ELMO1: variants seen among roughly 807,000 people sequenced by gnomAD.
ELMO1 encodes engulfment and cell motility protein 1.
A neutral mutation model predicts 98.9 loss-of-function variants in ELMO1; 26 were observed. The observed-to-expected ratio is 0.26, with a 90% CI of 0.19 to 0.36. The LOEUF (loss-of-function observed/expected upper bound fraction) is 0.36. Among genes scored for constraint, ELMO1 ranks in the 10% least tolerant of loss-of-function variants. The probability of loss-of-function intolerance (pLI) is 1.00; values close to 1 mark genes in which losing one functional copy is unlikely to be tolerated. For synonymous variants in ELMO1, 346 were observed against 346.0 expected, an observed-to-expected ratio of 1.00 and a Z score of 0.00; for missense variants, 627 against 935.2, an observed-to-expected ratio of 0.67 and a Z score of 4.30.
At chr7:37,246,741 C>T (rs1795024836) in intron 6 of ELMO1, among the ~76,000 whole-genome samples, 3 of 151,290 alleles carry the variant, frequency 2.0e-5, no homozygotes, top group Non-Finnish European at 4.4e-5. Flanking sequence ...TTTTACAACG[C>T]TTTGTTAAGA....
intron 15 of ELMO1, among the ~76,000 whole-genome samples, chr7:37,057,137 T>C (rs1482682741): frequency 6.6e-6 from 1 of 152,172 alleles, no homozygotes; most frequent in East Asian, 1.9e-4. Flanking sequence ...TAAATTCTAA[T>C]CATTTTGTGG....
Position 36,932,578 on chromosome 7 carries a change from TGAACGAA to T in ELMO1, c.1438-37568_1438-37562del, listed in dbSNP as rs1169652033. Among the ~76,000 whole-genome samples the T allele has an allele frequency of 2.0e-5, 3 of 152,270 alleles. No homozygotes were observed. The South Asian group carries it at 6.2e-4, about 32-fold the overall frequency. ...TGCAAAGTAAGTGAAACAAACTAAGTGAACGAAGTGAAACAAAGCTGGAAGGTTCTAT... is the reference window on the plus strand; with the variant it reads ...TGCAAAGTAAGTGAAACAAACTAAGTGTGAAACAAAGCTGGAAGGTTCTAT... On this transcript the variant is annotated intron_variant, in intron 16 of 21. Coordinates refer to ENST00000310758, the MANE Select transcript of ELMO1 (RefSeq NM_014800.11).
chr7:37,098,622 C>A (rs892684250), intron 14 of ELMO1, among the ~76,000 whole-genome samples: 1 of 152,150 alleles, frequency 6.6e-6, no homozygotes, highest in Non-Finnish European at 1.5e-5. Context: ...CTCAGTCTGC[C>A]CAAGCATAGA....
intron 6 of ELMO1, among the ~76,000 whole-genome samples, chr7:37,253,720 T>TAAA (rs36042026): frequency 1.7e-5 from 2 of 117,902 alleles, no homozygotes; most frequent in African/African-American, 3.0e-5. Flanking sequence ...GAACTTAAAG[T>TAAA]AAAAAAAAAA....
At chr7:36,974,022 C>A (rs564954128) in intron 16 of ELMO1, among the ~76,000 whole-genome samples, 58 of 152,366 alleles carry the variant, frequency 3.8e-4, no homozygotes, top group South Asian at 2.1e-3. Flanking sequence ...GAGCCTCCCC[C>A]CCACTCCGTG....
intron 15 of ELMO1, among the ~76,000 whole-genome samples, chr7:37,063,842 A>G (rs970819528): frequency 2.0e-5 from 3 of 152,172 alleles, no homozygotes; most frequent in African/African-American, 7.2e-5. Context: ...AGTAGTAAGT[A>G]CCACTGCTGT....
chr7:36,961,898 A>G (rs1444801019), intron 16 of ELMO1, among the ~76,000 whole-genome samples: 1 of 152,216 alleles, frequency 6.6e-6, no homozygotes, highest in African/African-American at 2.4e-5. Context: ...TTCAGTTTCA[A>G]CTACCTGCTT....
In ELMO1 at chr7:36,880,455, A is replaced by G. The variant is rs546230230; in HGVS notation, c.1715-2338T>C. On this transcript the variant is annotated intron_variant, in intron 18 of 21. Coordinates refer to ENST00000310758, the MANE Select transcript of ELMO1 (RefSeq NM_014800.11). ...TGTAGAGTAAATTGCACAACTTAAT[A>G]TTCATGTGTAAGATATATTGATTTG... Among the ~76,000 whole-genome samples, 6 of 152,380 alleles carry G rather than the reference A, an allele frequency of 3.9e-5. No homozygotes were observed. The East Asian group carries it at 1.2e-3, about 29-fold the overall frequency.
chr7:37,163,067 C>T (rs529500684), intron 13 of ELMO1, among the ~76,000 whole-genome samples: 2 of 152,252 alleles, frequency 1.3e-5, no homozygotes, highest in South Asian at 4.1e-4. Flanking sequence ...TTTCTTAACC[C>T]ATTGGCTATA....
At chr7:37,260,325 C>T (rs1562562564) in intron 5 of ELMO1, among the ~76,000 whole-genome samples, 1 of 152,070 alleles carries the variant, frequency 6.6e-6, no homozygotes, top group Non-Finnish European at 1.5e-5. Context: ...GATAGGGTGT[C>T]GACCCCATTA....
chr7:36,977,608 A>G (rs1018786468), intron 16 of ELMO1, among the ~76,000 whole-genome samples: 13 of 152,230 alleles, frequency 8.5e-5, no homozygotes, highest in African/African-American at 2.9e-4. Flanking sequence ...ATAAAGTAGA[A>G]AAAATTTGGT....
chr7:37,292,700 G>C (rs1283954805), intron 4 of ELMO1, among the ~76,000 whole-genome samples: 11 of 55,492 alleles, frequency 2.0e-4, no homozygotes, highest in South Asian at 7.8e-4. Flanking sequence ...AGTGAGGAGC[G>C]TCTCCGCCCG....
At chr7:37,282,459 A>AT (rs1188883841) in intron 4 of ELMO1, among the ~76,000 whole-genome samples, 9 of 152,174 alleles carry the variant, frequency 5.9e-5, no homozygotes, top group Non-Finnish European at 1.2e-4. Context: ...CTGTGTGTCC[A>AT]TTTTTTTGAT....
chr7:37,140,246 C>T (rs1164213484), intron 13 of ELMO1, among the ~76,000 whole-genome samples: 3 of 151,462 alleles, frequency 2.0e-5, no homozygotes, highest in African/African-American at 7.3e-5. Context: ...ATTAGCTGGG[C>T]GTGGTGGCAG....
chr7:37,222,351 A>G (rs574294111), intron 10 of ELMO1, among the ~76,000 whole-genome samples: 1 of 152,256 alleles, frequency 6.6e-6, no homozygotes, highest in South Asian at 2.1e-4. Context: ...GTTGCATTTC[A>G]TTTCATGAAA....
intron 13 of ELMO1, among the ~76,000 whole-genome samples, chr7:37,171,481 CTATTTTTTTTTTTT>C (rs1240848462): frequency 2.3e-5 from 1 of 44,268 alleles, no homozygotes; most frequent in African/African-American, 6.2e-5. Context: ...CCAGGCCTTT[CTATTTTTTTTTTTT>C]TTTTTTTTTT....
intron 16 of ELMO1, among the ~76,000 whole-genome samples, chr7:36,918,297 G>C (rs1784865701): frequency 6.6e-6 from 1 of 152,124 alleles, no homozygotes; most frequent in Admixed American, 6.5e-5. Context: ...CAAACTTCTG[G>C]CAATGTAGGA....
chr7:37,383,487 C>T (rs181112440), intron 1 of ELMO1, among the ~76,000 whole-genome samples: 160 of 152,318 alleles, frequency 1.1e-3, no homozygotes, highest in African/African-American at 3.7e-3. Context: ...TTGTTATCTT[C>T]CTGGTGAGTT....
At chr7:37,165,277 T>A (rs1789582061) in intron 13 of ELMO1, among the ~76,000 whole-genome samples, 1 of 152,180 alleles carries the variant, frequency 6.6e-6, no homozygotes, top group African/African-American at 2.4e-5. Flanking sequence ...TCATGTCATC[T>A]GCAAACAGGG....
Sources: allele counts gnomAD v4.1 joint callset (sites outside exome capture counted in the v4.1 genomes callset), GRCh38; gene constraint gnomAD v4.1.1; transcripts MANE v1.5; gene names NCBI Gene and HGNC (gene_info 2026-07-23, HGNC 2026-07-21).